Variants in FRMD5 observed in about 807,000 individuals in gnomAD.
FRMD5 encodes FERM domain containing 5, also known as FERM domain-containing protein 5.
A neutral mutation model predicts 69.0 loss-of-function variants in FRMD5; 20 were observed. The ratio of observed to expected loss-of-function variants is 0.29; its 90% CI spans 0.20 to 0.42. The LOEUF (loss-of-function observed/expected upper bound fraction) is 0.42, where lower values mean the gene tolerates loss of function less well. Among genes scored for constraint, FRMD5 ranks in the 10% least tolerant of loss-of-function variants. FRMD5 has a pLI of 1.00. For synonymous variants in FRMD5, 271 were observed against 260.1 expected (o/e 1.04, Z -0.40); for missense variants, 595 against 708.6 (o/e 0.84, Z 1.82).
intron 1 of FRMD5, among the ~76,000 whole-genome samples, chr15:43,945,414 AAGTCACGGTCAGTTGTAGGCAGAGG>A (rs952458430): frequency 6.6e-6 from 1 of 152,208 alleles, no homozygotes; most frequent in African/African-American, 2.4e-5. Context: ...ACAAAAGCCA[AAGTCACGGTCAGTTGTAGGCAGAGG>A]AGAACTGATT....
intron 1 of FRMD5, among the ~76,000 whole-genome samples, chr15:43,946,517 T>G (rs965395984): frequency 2.0e-5 from 3 of 152,222 alleles, no homozygotes; most frequent in African/African-American, 7.2e-5. Context: ...TCATTCTCTT[T>G]CCACTACAAC....
intron 4 of FRMD5, among the ~76,000 whole-genome samples, chr15:43,915,960 G>A (rs2089379191): frequency 6.6e-6 from 1 of 152,214 alleles, no homozygotes; most frequent in Admixed American, 6.5e-5. Flanking sequence ...CAGTAGGGAT[G>A]TGAATGAGGA....
chr15:44,182,157 T>C (rs2078014144), intron 1 of FRMD5, among the ~76,000 whole-genome samples: 1 of 144,646 alleles, frequency 6.9e-6, no homozygotes, highest in Non-Finnish European at 1.5e-5. Flanking sequence ...ATTACAGGTG[T>C]GCGCCACCAT....
chr15:43,993,318 G>GAGT, intron 1 of FRMD5, among the ~76,000 whole-genome samples: 1 of 152,118 alleles, frequency 6.6e-6, no homozygotes, highest in South Asian at 2.1e-4. Context: ...TCAGCCTCCC[G>GAGT]AGTAGCTGGG....
At chr15:44,134,263 C>T (rs1279968876) in intron 1 of FRMD5, among the ~76,000 whole-genome samples, 5 of 152,072 alleles carry the variant, frequency 3.3e-5, no homozygotes, top group African/African-American at 1.2e-4. Flanking sequence ...GTGTGCATCA[C>T]CACGTCCAGC....
chr15:43,892,109 C>T lies in FRMD5; in HGVS notation c.640-40G>A. 1.9e-6 allele frequency: 3 copies of T among 1,578,254 alleles called. No homozygotes were observed. In the African/African-American group the frequency reaches 4.0e-5, roughly 21 times the overall value. On this transcript the variant is annotated intron_variant, in intron 7 of 13. Transcript: ENST00000417257. ...GACTTCTCATCGGGTGATGCAGGCA[C>T]AGAGGTGAAAGGGTAAGAAACACAG...
At chr15:44,197,314 A>G (rs1231001960), upstream of FRMD5, among the ~76,000 whole-genome samples, 1 of 152,196 alleles carries the variant, frequency 6.6e-6, no homozygotes, top group African/African-American at 2.4e-5. Context: ...AAGATCTTGG[A>G]GACAAGTAAA....
At chr15:43,948,615 AT>A (rs992257070) in intron 1 of FRMD5, among the ~76,000 whole-genome samples, 1 of 152,122 alleles carries the variant, frequency 6.6e-6, no homozygotes, top group African/African-American at 2.4e-5. Context: ...AGGAGGGCAT[AT>A]TTTTTTCCAA....
chr15:43,895,219 A>C (rs2088885720), intron 7 of FRMD5, among the ~76,000 whole-genome samples: 1 of 152,258 alleles, frequency 6.6e-6, no homozygotes, highest in Non-Finnish European at 1.5e-5. Context: ...TAGTTAGGAA[A>C]CGAAAATGTG....
At chr15:43,944,909 C>T (rs1055791834) in intron 1 of FRMD5, among the ~76,000 whole-genome samples, 1 of 151,428 alleles carries the variant, frequency 6.6e-6, no homozygotes, top group African/African-American at 2.4e-5. Flanking sequence ...GCTGTGGCCT[C>T]TGTGGGTTTG....
At chr15:44,039,442 G>A (rs1015517425) in intron 1 of FRMD5, among the ~76,000 whole-genome samples, 1 of 152,192 alleles carries the variant, frequency 6.6e-6, no homozygotes, top group Non-Finnish European at 1.5e-5. Context: ...GCAACTGGCA[G>A]GTGCCACTCT....
chr15:44,065,473 C>G (rs1299074502), intron 1 of FRMD5, among the ~76,000 whole-genome samples: 1 of 152,152 alleles, frequency 6.6e-6, no homozygotes, highest in African/African-American at 2.4e-5. Flanking sequence ...CCAACCCAAA[C>G]AGGTAAATAT....
At chr15:43,999,265 G>C (rs1167819060) in intron 1 of FRMD5, among the ~76,000 whole-genome samples, 2 of 151,950 alleles carry the variant, frequency 1.3e-5, no homozygotes, top group Non-Finnish European at 2.9e-5. Context: ...ACAAGGCTTT[G>C]ACATATTGGC....
At chr15:43,916,261 A>C (rs1176603587) in intron 4 of FRMD5, among the ~76,000 whole-genome samples, 1 of 152,188 alleles carries the variant, frequency 6.6e-6, no homozygotes, top group African/African-American at 2.4e-5. Flanking sequence ...CAGGACTTGG[A>C]TGACTACCTG....
At chr15:43,916,985 G>A (rs1053700201) in intron 4 of FRMD5, among the ~76,000 whole-genome samples, 3 of 151,964 alleles carry the variant, frequency 2.0e-5, no homozygotes, top group Non-Finnish European at 4.4e-5. Context: ...TCACCATGTT[G>A]GTCAGGCTGG....
chr15:44,051,335 A>T, intron 1 of FRMD5, among the ~76,000 whole-genome samples: 2 of 147,482 alleles, frequency 1.4e-5, no homozygotes, highest in Non-Finnish European at 1.5e-5. Flanking sequence ...TATTTTTAGT[A>T]GAGACGGGGT....
intron 10 of FRMD5, among the ~76,000 whole-genome samples, chr15:43,886,338 C>T (rs1176222473): frequency 2.0e-5 from 3 of 152,132 alleles, no homozygotes; most frequent in Non-Finnish European, 4.4e-5. Flanking sequence ...GACAGAAATC[C>T]TGCGATGAAG....
At chr15:44,190,636 C>T (rs1165139336) in intron 1 of FRMD5, among the ~76,000 whole-genome samples, 2 of 152,188 alleles carry the variant, frequency 1.3e-5, no homozygotes, top group Non-Finnish European at 2.9e-5. Context: ...ATAAATACCA[C>T]ACTAACATAC....
At chr15:44,015,440 C>T (rs1009961626) in intron 1 of FRMD5, among the ~76,000 whole-genome samples, 2 of 151,966 alleles carry the variant, frequency 1.3e-5, no homozygotes, top group Non-Finnish European at 1.5e-5. Flanking sequence ...CCGTGCCTGG[C>T]CCTGAAGGTA....
Sources: gnomAD v4.1 joint callset for allele counts (sites outside exome capture counted in the v4.1 genomes callset) on GRCh38, gnomAD v4.1.1 for gene constraint, MANE v1.5 for transcripts, NCBI Gene and HGNC (gene_info 2026-07-23, HGNC 2026-07-21) for gene names.